Variants in FTO observed in about 807,000 individuals in gnomAD.
FTO encodes FTO alpha-ketoglutarate dependent dioxygenase.
FTO carries 47 observed loss-of-function variants against 63.9 expected under a neutral mutation model. The observed-to-expected ratio is 0.74, with a 90% CI of 0.58 to 0.94. The LOEUF (loss-of-function observed/expected upper bound fraction) is 0.94. Among genes scored for constraint, FTO ranks in the 40% least tolerant of loss-of-function variants. The probability of loss-of-function intolerance (pLI) is 0.00; values close to 1 mark genes in which losing one functional copy is unlikely to be tolerated. For synonymous variants in FTO, 207 were observed against 224.4 expected (o/e 0.92, Z 0.69); for missense variants, 562 against 618.1 (o/e 0.91, Z 0.96).
intron 1 of FTO, among the ~76,000 whole-genome samples, chr16:53,749,808 G>A (rs1226608299): frequency 6.6e-6 from 1 of 152,106 alleles, no homozygotes; most frequent in Non-Finnish European, 1.5e-5. Flanking sequence ...ATTGTGTTGA[G>A]GCACATTCCT....
intron 2 of FTO, among the ~76,000 whole-genome samples, chr16:53,823,688 T>C (rs1346482574): frequency 1.1e-4 from 17 of 152,100 alleles, no homozygotes; most frequent in Admixed American, 2.6e-4. Flanking sequence ...ATTCTTAACT[T>C]CTATCCTGAG....
intron 8 of FTO, among the ~76,000 whole-genome samples, chr16:54,082,578 A>T (rs1433160804): frequency 3.9e-5 from 6 of 152,184 alleles, no homozygotes; most frequent in African/African-American, 1.4e-4. Context: ...CCTACAGGAG[A>T]GTCCTTCTTC....
intron 8 of FTO, among the ~76,000 whole-genome samples, chr16:54,064,829 C>T (rs1385346529): frequency 2.6e-5 from 4 of 152,118 alleles, no homozygotes; most frequent in Non-Finnish European, 5.9e-5. Context: ...GACAGGGAAG[C>T]ACGCCAGATA....
chr16:53,930,287 G>T (rs9929755), intron 7 of FTO, among the ~76,000 whole-genome samples: 3,511 of 133,100 alleles, frequency 0.026, 150 homozygotes, highest in African/African-American at 0.093. Context: ...GAAGTGGCGC[G>T]ATCTTGGCTC....
intron 8 of FTO, among the ~76,000 whole-genome samples, chr16:53,962,975 A>G (rs1242779815): frequency 6.6e-6 from 1 of 152,214 alleles, no homozygotes; most frequent in East Asian, 1.9e-4. Context: ...TCCCACGCTC[A>G]AATCCAATAG....
chr16:53,828,008 TC>T (rs1232626306), intron 3 of FTO, among the ~76,000 whole-genome samples: 2 of 152,204 alleles, frequency 1.3e-5, no homozygotes, highest in East Asian at 1.9e-4. Flanking sequence ...TGTACTCCCT[TC>T]CCGTGGGTGA....
chr16:54,106,555 A>G (rs1245178547), intron 8 of FTO, among the ~76,000 whole-genome samples: 2 of 141,800 alleles, frequency 1.4e-5, no homozygotes, highest in Non-Finnish European at 3.0e-5. Context: ...ATAATATTAG[A>G]TATAATTATT....
At chr16:54,031,897 G>T (rs558838189) in intron 8 of FTO, among the ~76,000 whole-genome samples, 155 of 152,292 alleles carry the variant, frequency 1.0e-3, no homozygotes, top group African/African-American at 3.6e-3. Flanking sequence ...CAGATGGAAA[G>T]AGGTCATTCC....
At chr16:53,970,450 T>G (rs1181542564) in intron 8 of FTO, among the ~76,000 whole-genome samples, 1 of 151,282 alleles carries the variant, frequency 6.6e-6, no homozygotes, top group Non-Finnish European at 1.5e-5. Flanking sequence ...ATAAGCCGGT[T>G]GTGGTGGTGG....
rs139065193 is a variant in FTO, at chr16:54,066,373, C to T, written c.1365-45389C>T. Among the ~76,000 whole-genome samples, 7 of 152,212 alleles carry T rather than the reference C, an allele frequency of 4.6e-5. No homozygotes were observed. In the East Asian group the frequency reaches 9.6e-4, roughly 21 times the overall value. ...ATCCCAGCCCTTCCAACTTTTAGAC[C>T]GACACCCTTTCATTACACGAGGACT... On this transcript the variant is annotated intron_variant, in intron 8 of 8. Coordinates refer to ENST00000471389, the MANE Select transcript of FTO (RefSeq NM_001080432.3).
chr16:53,812,152 A>C (rs1345659643), intron 2 of FTO, among the ~76,000 whole-genome samples: 2 of 152,210 alleles, frequency 1.3e-5, no homozygotes, highest in South Asian at 4.1e-4. Context: ...GTTACCTGTT[A>C]GTAACAGCTC....
At chr16:53,874,775 TA>T (rs924874202) in intron 5 of FTO, among the ~76,000 whole-genome samples, 1 of 152,116 alleles carries the variant, frequency 6.6e-6, no homozygotes, top group Non-Finnish European at 1.5e-5. Flanking sequence ...AATGAATGAG[TA>T]TTTAAACCAA....
intron 4 of FTO, among the ~76,000 whole-genome samples, chr16:53,869,484 G>A (rs934200784): frequency 2.3e-4 from 33 of 146,644 alleles, no homozygotes; most frequent in African/African-American, 6.3e-4. Flanking sequence ...CTCTTTCTTC[G>A]CCTTCTGTTA....
chr16:53,972,142 A>G (rs1259746396), intron 8 of FTO, among the ~76,000 whole-genome samples: 1 of 151,964 alleles, frequency 6.6e-6, no homozygotes, highest in Non-Finnish European at 1.5e-5. Context: ...TACAACAAAT[A>G]TTTATCCTGT....
intron 1 of FTO, among the ~76,000 whole-genome samples, chr16:53,806,601 T>C (rs1297046021): frequency 6.6e-6 from 1 of 152,244 alleles, no homozygotes; most frequent in East Asian, 1.9e-4. Flanking sequence ...TCCTGTAGTT[T>C]ATTCCACTGT....
At chr16:54,051,210 A>G (rs1439797502) in intron 8 of FTO, among the ~76,000 whole-genome samples, 2 of 152,178 alleles carry the variant, frequency 1.3e-5, no homozygotes, top group African/African-American at 4.8e-5. Flanking sequence ...TAACATGATG[A>G]AGGCCAGAAG....
chr16:53,839,884 A>G (rs1337045243), intron 3 of FTO, among the ~76,000 whole-genome samples: 1 of 151,610 alleles, frequency 6.6e-6, no homozygotes, highest in Non-Finnish European at 1.5e-5. Context: ...GGCTCACTGC[A>G]ACCTCTGCCT....
intron 1 of FTO, among the ~76,000 whole-genome samples, chr16:53,739,202 C>CTATT (rs3035384): frequency 0.52 from 78,228 of 149,510 alleles, 20,831 homozygotes; most frequent in Middle Eastern, 0.67. Context: ...CTTACTATTA[C>CTATT]TATTTATTTA....
chr16:53,807,056 A>G (rs2078392535), intron 1 of FTO, among the ~76,000 whole-genome samples: 1 of 152,238 alleles, frequency 6.6e-6, no homozygotes, highest in African/African-American at 2.4e-5. Flanking sequence ...CCAATTTACT[A>G]TTGATATCTG....
Sources: gnomAD v4.1 joint callset for allele counts (sites outside exome capture counted in the v4.1 genomes callset) on GRCh38, gnomAD v4.1.1 for gene constraint, MANE v1.5 for transcripts, NCBI Gene and HGNC (gene_info 2026-07-23, HGNC 2026-07-21) for gene names.